Variants in BICRA observed in about 807,000 individuals in gnomAD.
BICRA encodes the protein BRD4-interacting chromatin-remodeling complex-associated protein.
In BICRA, 31 loss-of-function variants were observed where a neutral mutation model predicts 96.9. The ratio of observed to expected loss-of-function variants is 0.32; its 90% CI spans 0.24 to 0.43. The LOEUF (loss-of-function observed/expected upper bound fraction) is 0.43. BICRA is among the 20% of genes least tolerant of loss of function. The pLI, the probability that BICRA is intolerant of heterozygous loss-of-function variation, is 1.00. For missense variants in BICRA, 2,283 were observed against 2,190.3 expected, an observed-to-expected ratio of 1.04 and a Z score of -0.84; for synonymous variants, 1,350 against 1,071.8, an observed-to-expected ratio of 1.26 and a Z score of -5.07.
At chr19:47,628,025 C>T (rs574556664) in intron 1 of BICRA, among the ~76,000 whole-genome samples, 2 of 152,312 alleles carry the variant, frequency 1.3e-5, no homozygotes, top group African/African-American at 4.8e-5. Context: ...ATGTCAGCTC[C>T]TCGAAGTGGT....
In BICRA at chr19:47,679,554, C is replaced by T. The variant is rs1254188875; in HGVS notation, c.384C>T (p.Pro128=). ...LEAEAELDLG[P]FQLPTLQPAD... ...CCGAGGCTGAGCTGGACCTGGGTCCCTTCCAGCTGCCCACCCTGCAGCCTG... is the reference window on the plus strand; with the variant it reads ...CCGAGGCTGAGCTGGACCTGGGTCCTTTCCAGCTGCCCACCCTGCAGCCTG... Residue 128 remains proline (P), a synonymous_variant, in exon 6 of 15, where the codon CCC becomes CCT. Transcript: ENST00000594866. The T allele has an allele frequency of 1.3e-6, 2 of 1,546,946 alleles. No individual in the cohort carries two copies. The highest frequency in any genetic ancestry group is 1.7e-6 in the Non-Finnish European group (2 of 1,145,850).
chr19:47,653,792 T>TG (rs1389987841), intron 1 of BICRA, among the ~76,000 whole-genome samples: 4 of 152,216 alleles, frequency 2.6e-5, no homozygotes, highest in Admixed American at 6.6e-5. Context: ...TTTTGCTTCT[T>TG]GCAAGTAAAG....
chr19:47,667,078 G>T lies in BICRA; in HGVS notation c.-107-3365G>T, dbSNP rs536716337. 4.3e-3 allele frequency among the ~76,000 whole-genome samples: 645 copies of T among 150,670 alleles called. 2 individuals are homozygous for T. The highest frequency in any genetic ancestry group is 5.2e-3 in the Non-Finnish European group (355 of 67,640). The stretch of plus-strand genomic sequence containing the variant: ...CTGTCGCCCAGGCTGGAGTGCAGTG[G>T]CACGATCTCGGCTCACTGCAACCTC... On this transcript the variant is annotated intron_variant, in intron 1 of 14. Coordinates refer to ENST00000594866, the MANE Select transcript of BICRA (RefSeq NM_001394372.1).
At chr19:47,612,864 G>A (rs1172163035) in intron 1 of BICRA, among the ~76,000 whole-genome samples, 4 of 152,142 alleles carry the variant, frequency 2.6e-5, no homozygotes, top group Middle Eastern at 6.8e-3. Flanking sequence ...GAGCTTTAAG[G>A]GACCCCTTAT....
In BICRA at chr19:47,679,400, T is replaced by G; in HGVS notation, c.230T>G (p.Leu77Arg). ...GCCCCCAGTGTGGACCTAGACTTCC[T>G]GGAAGATGACATCCTGGGCTCTCCT... ...QPAPSVDLDF[L>R]EDDILGSPAT... The change falls in exon 6 of 15, where the codon CTG (leucine) becomes CGG (arginine). Residue 77 changes from leucine to arginine, a missense_variant. By Grantham distance (102) the Leu-to-Arg change is moderately radical. Transcript: ENST00000594866. 6.8e-7 allele frequency: 1 copy of G among 1,461,636 alleles called. No homozygotes were observed. The highest frequency in any genetic ancestry group is 9.1e-7 in the Non-Finnish European group (1 of 1,103,768). 90.5% of individuals were successfully genotyped at this position (1,461,636 alleles called of 1,614,324 possible). A position where few individuals can be genotyped will look rare whatever the true frequency, so the allele number is the denominator to read the frequency against.
chr19:47,620,258 A>T (rs1039220897), intron 1 of BICRA, among the ~76,000 whole-genome samples: 1 of 152,138 alleles, frequency 6.6e-6, no homozygotes, highest in African/African-American at 2.4e-5. Context: ...GGTGTGCAGT[A>T]GGTGCTCTGT....
chr19:47,697,740 A>G (rs1973369934), intron 11 of BICRA, among the ~76,000 whole-genome samples: 1 of 151,560 alleles, frequency 6.6e-6, no homozygotes, highest in Non-Finnish European at 1.5e-5. Context: ...AGCCTCCCAA[A>G]GTGCTGGGAG....
intron 6 of BICRA, 84 bp downstream of exon 6, chr19:47,681,360 C>A: frequency 1.6e-6 from 2 of 1,250,802 alleles, no homozygotes; most frequent in Non-Finnish European, 2.2e-6. Flanking sequence ...CGCCAAGATC[C>A]AAAAGTGGAT....
chr19:47,608,773 G>A (rs1316610311), upstream of BICRA, among the ~76,000 whole-genome samples: 2 of 151,642 alleles, frequency 1.3e-5, no homozygotes, highest in Non-Finnish European at 2.9e-5. Context: ...CGGGGCCGGG[G>A]CTGGTCCGCC....
chr19:47,635,402 C>T (rs1972286153), intron 1 of BICRA, among the ~76,000 whole-genome samples: 1 of 151,966 alleles, frequency 6.6e-6, no homozygotes, highest in Non-Finnish European at 1.5e-5. Context: ...AGCGTGCCAC[C>T]ACATGTGGCT....
rs532941627 is a variant in BICRA, at chr19:47,703,194, T to G, written c.*779T>G. ...ATAAATTTTTTTGTACTGTATTTAT[T>G]GTGTATAACGATTTTTTTAAAGGAG... On this transcript the variant is annotated 3_prime_UTR_variant, in exon 15 of 15. Coordinates refer to ENST00000594866, the MANE Select transcript of BICRA (RefSeq NM_001394372.1). The G allele has an allele frequency of 2.0e-5, 3 of 152,646 alleles. No homozygotes were observed. Among genetic ancestry groups the G allele is most frequent in the Non-Finnish European group, 4.4e-5 (3 of 68,054 alleles). The allele number at this position is 152,646 out of a possible 1,614,324, so 9.5% of individuals were successfully genotyped here. A position where few individuals can be genotyped will look rare whatever the true frequency, so the allele number is the denominator to read the frequency against.
chr19:47,633,316 G>A (rs1300488573), intron 1 of BICRA, among the ~76,000 whole-genome samples: 1 of 152,082 alleles, frequency 6.6e-6, no homozygotes, highest in Non-Finnish European at 1.5e-5. Context: ...CTGACCTCAA[G>A]TGATCCGCCT....
intron 1 of BICRA, among the ~76,000 whole-genome samples, chr19:47,665,250 A>C (rs1297826197): frequency 6.6e-6 from 1 of 152,206 alleles, no homozygotes; most frequent in Non-Finnish European, 1.5e-5. Context: ...TTGCCTCTTG[A>C]ATAAATGAAA....
At chr19:47,662,194 A>C (rs563057223) in intron 1 of BICRA, 1 of 152,606 alleles carries the variant, frequency 6.6e-6, no homozygotes, top group African/African-American at 2.4e-5. Flanking sequence ...GGGCGTAGCT[A>C]GGTGCTTCTG....
At chr19:47,650,577 A>G (rs545027443) in intron 1 of BICRA, among the ~76,000 whole-genome samples, 2 of 152,262 alleles carry the variant, frequency 1.3e-5, no homozygotes, top group Admixed American at 1.3e-4. Context: ...ATTACTTTTA[A>G]TGGCAAAAGG....
intron 1 of BICRA, among the ~76,000 whole-genome samples, chr19:47,648,306 G>A (rs1972492284): frequency 6.6e-6 from 1 of 151,918 alleles, no homozygotes; most frequent in Non-Finnish European, 1.5e-5. Context: ...GTCGGCCTGT[G>A]GATGTGTCCC....
At chr19:47,652,245 G>A (rs1021085941) in intron 1 of BICRA, among the ~76,000 whole-genome samples, 4 of 152,042 alleles carry the variant, frequency 2.6e-5, no homozygotes, top group Admixed American at 1.3e-4. Context: ...GAGTGCAATC[G>A]TGTGACCATG....
chr19:47,611,892 A>G (rs1186460021), intron 1 of BICRA, among the ~76,000 whole-genome samples: 1 of 148,138 alleles, frequency 6.8e-6, no homozygotes, highest in Non-Finnish European at 1.5e-5. Context: ...TTTTTTTGAG[A>G]CAGAGTCTCG....
At chr19:47,609,649 C>T (rs919636769) in intron 1 of BICRA, among the ~76,000 whole-genome samples, 2 of 151,722 alleles carry the variant, frequency 1.3e-5, no homozygotes, top group Admixed American at 1.3e-4. Flanking sequence ...GCCCCGCTCC[C>T]CGCCTTTCGG....
Sources: allele counts gnomAD v4.1 joint callset (sites outside exome capture counted in the v4.1 genomes callset), GRCh38; gene constraint gnomAD v4.1.1; transcripts MANE v1.5; gene names NCBI Gene and HGNC (gene_info 2026-07-23, HGNC 2026-07-21).